Variants in DLG2 observed in about 807,000 individuals in gnomAD.
The protein encoded by DLG2 is discs large MAGUK scaffold protein 2.
Under a neutral mutation model 132.5 loss-of-function variants are expected in DLG2, and 45 were observed. That is an observed-to-expected ratio of 0.34 (90% confidence interval 0.27 to 0.44). DLG2 has a LOEUF of 0.44. Ranked by LOEUF, DLG2 falls within the 20% of genes least tolerant of loss-of-function variation. DLG2 has a pLI of 1.00. For synonymous variants in DLG2, 424 were observed against 419.6 expected (o/e 1.01, Z -0.13); for missense variants, 1,045 against 1,196.9 (o/e 0.87, Z 1.87).
At chr11:85,484,297 A>G (rs1289327932) in intron 3 of DLG2, among the ~76,000 whole-genome samples, 1 of 133,320 alleles carries the variant, frequency 7.5e-6, no homozygotes, top group Non-Finnish European at 1.6e-5. Context: ...ATGGGCAAAG[A>G]CTTCATGTCT....
chr11:85,422,031 T>C (rs2090354456), intron 3 of DLG2, among the ~76,000 whole-genome samples: 1 of 152,200 alleles, frequency 6.6e-6, no homozygotes, highest in South Asian at 2.1e-4. Flanking sequence ...CCTTCTAGCT[T>C]GTAAAGTTTC....
rs536246409 is a variant in DLG2 at position 83,809,007 on chromosome 11, C to A, written c.1723-22215G>T. Among the ~76,000 whole-genome samples, 22 of 152,176 alleles carry A rather than the reference C, an allele frequency of 1.4e-4. No individual in the cohort carries two copies. In the South Asian group the frequency reaches 4.6e-3, roughly 32 times the overall value. On this transcript the variant is annotated intron_variant, in intron 17 of 27. Coordinates refer to ENST00000376104, the MANE Select transcript of DLG2 (RefSeq NM_001142699.3). ...CTCCTCCTGCAGCTGGTCTCACTTG[C>A]TTTTTCTTACCACCTCCCTCTGAGT...
intron 7 of DLG2, among the ~76,000 whole-genome samples, chr11:84,474,066 A>G (rs2099115403): frequency 6.6e-6 from 1 of 152,002 alleles, no homozygotes; most frequent in Non-Finnish European, 1.5e-5. Context: ...CATGTGGGGT[A>G]TGACTCTGAA....
chr11:85,545,595 T>C lies in DLG2; in HGVS notation c.40+53062A>G, dbSNP rs560154926. ...CTCCTCCTTGTACCTCTGGTAGAAT[T>C]TGGCTGTGAATCCATGTGGTCCTGG... On this transcript the variant is annotated intron_variant, in intron 3 of 27. Transcript: ENST00000376104. Among the ~76,000 whole-genome samples the C allele has an allele frequency of 1.1e-4, 16 of 152,316 alleles. 1 individual carries two copies. The highest frequency in any genetic ancestry group is 3.4e-4 in the African/African-American group (14 of 41,574).
At chr11:84,714,617 T>TCTCTCTCTC (rs2060938628) in intron 6 of DLG2, among the ~76,000 whole-genome samples, 3 of 96,606 alleles carry the variant, frequency 3.1e-5, no homozygotes, top group African/African-American at 1.3e-4. Flanking sequence ...CTCTTTCTCT[T>TCTCTCTCTC]TCTCTTTCTC....
chr11:84,250,035 A>G (rs2097351364), intron 8 of DLG2, among the ~76,000 whole-genome samples: 3 of 152,214 alleles, frequency 2.0e-5, no homozygotes, highest in Admixed American at 2.0e-4. Context: ...GAACCTGCTC[A>G]GGACCGCCAG....
At chr11:84,594,060 A>C (rs1172123856) in intron 6 of DLG2, among the ~76,000 whole-genome samples, 1 of 152,178 alleles carries the variant, frequency 6.6e-6, no homozygotes, top group Non-Finnish European at 1.5e-5. Context: ...TGGCAGTGCA[A>C]ATAATGATGT....
At chr11:83,648,567 G>T (rs755657034) in intron 18 of DLG2, among the ~76,000 whole-genome samples, 1 of 152,138 alleles carries the variant, frequency 6.6e-6, no homozygotes, top group Non-Finnish European at 1.5e-5. Flanking sequence ...TAAAACTGAG[G>T]TGTCAGCAAC....
chr11:84,755,717 C>A (rs973173810), intron 6 of DLG2, among the ~76,000 whole-genome samples: 12 of 152,338 alleles, frequency 7.9e-5, no homozygotes, highest in South Asian at 2.1e-4. Flanking sequence ...GCTACCGCGC[C>A]TGGCCCAGTG....
intron 3 of DLG2, among the ~76,000 whole-genome samples, chr11:85,522,868 G>T (rs1468430970): frequency 6.6e-6 from 1 of 152,152 alleles, no homozygotes; most frequent in Non-Finnish European, 1.5e-5. Flanking sequence ...ACAGGCATAA[G>T]GGACTTGCCT....
chr11:85,405,807 T>C (rs933664048), intron 3 of DLG2, among the ~76,000 whole-genome samples: 1 of 151,736 alleles, frequency 6.6e-6, no homozygotes, highest in Admixed American at 6.6e-5. Flanking sequence ...TAAAGAGAGG[T>C]GAAAGAAAAG....
chr11:84,457,099 A>G (rs2099067410), intron 7 of DLG2, among the ~76,000 whole-genome samples: 1 of 151,264 alleles, frequency 6.6e-6, no homozygotes. Context: ...GTTTATTAAC[A>G]GGTATTAGGT....
intron 7 of DLG2, among the ~76,000 whole-genome samples, chr11:84,348,582 T>A (rs1600347156): frequency 6.6e-6 from 1 of 152,206 alleles, no homozygotes; most frequent in East Asian, 1.9e-4. Context: ...TAATAATGAA[T>A]GTTTTCCATT....
intron 19 of DLG2, among the ~76,000 whole-genome samples, chr11:83,591,073 C>G (rs889558903): frequency 6.6e-6 from 1 of 152,190 alleles, no homozygotes; most frequent in Non-Finnish European, 1.5e-5. Flanking sequence ...CAAGGAGGAG[C>G]TGGTACCATT....
intron 22 of DLG2, chr11:83,480,453 T>C (rs2093010862): frequency 6.5e-6 from 10 of 1,528,444 alleles, no homozygotes; most frequent in Non-Finnish European, 8.8e-6. Flanking sequence ...ATACCAAGCA[T>C]TGAAGAGCAG....
At chr11:84,771,480 T>G (rs1354594413) in intron 6 of DLG2, among the ~76,000 whole-genome samples, 1 of 152,264 alleles carries the variant, frequency 6.6e-6, no homozygotes, top group Non-Finnish European at 1.5e-5. Flanking sequence ...CTTGTGAATT[T>G]GTTTAAGTTC....
intron 6 of DLG2, among the ~76,000 whole-genome samples, chr11:85,108,955 G>A (rs1462833047): frequency 1.3e-5 from 2 of 152,060 alleles, no homozygotes; most frequent in African/African-American, 4.8e-5. Flanking sequence ...AGAGGTCTAA[G>A]CAACTGAGCC....
intron 6 of DLG2, among the ~76,000 whole-genome samples, chr11:85,081,690 C>T (rs1159397793): frequency 6.6e-6 from 1 of 152,180 alleles, no homozygotes; most frequent in African/African-American, 2.4e-5. Flanking sequence ...ACTGCAGCAA[C>T]TTTAATGTAA....
intron 6 of DLG2, among the ~76,000 whole-genome samples, chr11:85,104,417 C>A (rs2071357498): frequency 6.6e-6 from 1 of 151,752 alleles, no homozygotes; most frequent in South Asian, 2.1e-4. Context: ...CATGGACGAA[C>A]CTTGGAAACA....
Sources: allele counts gnomAD v4.1 joint callset (sites outside exome capture counted in the v4.1 genomes callset), GRCh38; gene constraint gnomAD v4.1.1; transcripts MANE v1.5; gene names NCBI Gene and HGNC (gene_info 2026-07-23, HGNC 2026-07-21).